The following KCNG3 variants were observed in gnomAD, a reference collection of about 807,000 sequenced individuals.
KCNG3 encodes the protein voltage-gated potassium channel regulatory subunit KCNG3.
A neutral mutation model predicts 29.0 loss-of-function variants in KCNG3; 15 were observed. That is an observed-to-expected ratio of 0.52 (90% confidence interval 0.35 to 0.80). The LOEUF is 0.80. KCNG3 is among the 30% of genes least tolerant of loss of function. The pLI, the probability that KCNG3 is intolerant of heterozygous loss-of-function variation, is 0.01. For missense variants in KCNG3, 512 were observed against 605.7 expected (o/e 0.85, Z 1.62); for synonymous variants, 322 against 248.9 (o/e 1.29, Z -2.76).
At chr2:42,393,033 T>C in the KCNG3 span, among the ~76,000 whole-genome samples, 1 of 152,178 alleles carries the variant, frequency 6.6e-6, no homozygotes, top group Non-Finnish European at 1.5e-5. Flanking sequence ...ATTGTTATTA[T>C]ATTAAGCCCA....
chr2:42,481,878 C>T (rs770335803), intron 1 of KCNG3, among the ~76,000 whole-genome samples: 7 of 152,200 alleles, frequency 4.6e-5, no homozygotes, highest in Non-Finnish European at 5.9e-5. Context: ...CTAATCATGG[C>T]GCACACTTAC....
chr2:42,477,192 A>T (rs1673448829), intron 1 of KCNG3, among the ~76,000 whole-genome samples: 1 of 143,126 alleles, frequency 7.0e-6, no homozygotes, highest in African/African-American at 2.6e-5. Context: ...ACTCTGTTTC[A>T]AAAAAAAAAA....
At chr2:42,402,207 C>G in the KCNG3 span, among the ~76,000 whole-genome samples, 1 of 152,214 alleles carries the variant, frequency 6.6e-6, no homozygotes, top group Non-Finnish European at 1.5e-5. Flanking sequence ...ACCCCTGCTT[C>G]TCAGACCTTC....
chr2:42,478,549 G>A (rs1471140019), intron 1 of KCNG3, among the ~76,000 whole-genome samples: 1 of 151,702 alleles, frequency 6.6e-6, no homozygotes, highest in Admixed American at 6.6e-5. Flanking sequence ...ACATTCTTAG[G>A]TAAAGCTTAA....
intron 1 of KCNG3, among the ~76,000 whole-genome samples, chr2:42,451,712 C>A (rs1018314866): frequency 1.3e-5 from 2 of 151,834 alleles, no homozygotes; most frequent in Non-Finnish European, 2.9e-5. Flanking sequence ...GGCGACAGAG[C>A]AAGACTTTGT....
the KCNG3 span, among the ~76,000 whole-genome samples, chr2:42,431,230 T>C: frequency 6.6e-5 from 10 of 152,174 alleles, no homozygotes; most frequent in African/African-American, 2.4e-4. Context: ...GGGATCCTGC[T>C]ATTCCTAAGA....
In KCNG3 at chr2:42,442,948, C is replaced by A. The variant is rs1043635548; in HGVS notation, c.*986G>T. ...GAGTACAGTAATATTTAATTTCTCC[C>A]TTTTATGATAATCCAGTGACAACAC... On this transcript the variant is annotated 3_prime_UTR_variant, in exon 2 of 2. Transcript: ENST00000306078. The A allele has an allele frequency of 3.9e-5, 6 of 152,138 alleles. No individual in the cohort carries two copies. Among genetic ancestry groups the A allele is most frequent in the Admixed American group, 6.6e-5 (1 of 15,252 alleles). 9.4% of individuals were successfully genotyped at this position (152,138 alleles called of 1,614,324 possible).
At chr2:42,420,923 T>C in the KCNG3 span, among the ~76,000 whole-genome samples, 2 of 152,218 alleles carry the variant, frequency 1.3e-5, no homozygotes, top group Admixed American at 6.5e-5. Context: ...ATTTCTTCAA[T>C]CTAAGTTCCA....
chr2:42,451,367 C>T (rs1011016205), intron 1 of KCNG3, among the ~76,000 whole-genome samples: 11 of 151,968 alleles, frequency 7.2e-5, no homozygotes, highest in Non-Finnish European at 1.5e-4. Context: ...TGCTTGAGCC[C>T]AGGAGTACAA....
intron 1 of KCNG3, among the ~76,000 whole-genome samples, chr2:42,487,792 A>G (rs979887645): frequency 4.6e-5 from 7 of 152,258 alleles, no homozygotes; most frequent in African/African-American, 1.7e-4. Context: ...CCTGCATAAA[A>G]GAAGTAAAAT....
chr2:42,474,442 C>G (rs528306527), intron 1 of KCNG3, among the ~76,000 whole-genome samples: 1 of 152,070 alleles, frequency 6.6e-6, no homozygotes, highest in Non-Finnish European at 1.5e-5. Context: ...GCACGAGAAT[C>G]GCTTGAACCC....
the KCNG3 span, among the ~76,000 whole-genome samples, chr2:42,401,963 G>A: frequency 6.6e-6 from 1 of 152,308 alleles, no homozygotes; most frequent in Non-Finnish European, 1.5e-5. Flanking sequence ...TGTCAACATG[G>A]CTGGGCTACG....
chr2:42,417,020 G>A, the KCNG3 span, among the ~76,000 whole-genome samples: 1 of 152,004 alleles, frequency 6.6e-6, no homozygotes, highest in African/African-American at 2.4e-5. Context: ...AGGCTGAGGT[G>A]GGTGGATCAC....
chr2:42,493,228 G>C lies in KCNG3; in HGVS notation c.274C>G (p.Leu92Val), dbSNP rs774256761. The C allele has an allele frequency of 1.1e-5, 17 of 1,611,616 alleles. No individual in the cohort carries two copies. The highest frequency in any genetic ancestry group is 1.2e-5 in the Non-Finnish European group (14 of 1,179,884). ...KLRFAPRMCE[L>V]SFYNEMIYWG... ...TAGATCATCTCGTTGTAGAAGGAGA[G>C]CTCGCACATCCGCGGCGCGAAGCGC... The change falls in exon 1 of 2, where the codon CTC becomes GTC. Residue 92 changes from leucine to valine, a missense_variant. By Grantham distance (32) the Leu-to-Val change is conservative. This residue lies in a region of KCNG3 where 228 missense variants were observed against 200.0 expected (regional missense o/e 1.14). Transcript: ENST00000306078.
intron 1 of KCNG3, among the ~76,000 whole-genome samples, chr2:42,485,758 C>A (rs547175412): frequency 2.0e-4 from 30 of 152,196 alleles, no homozygotes; most frequent in African/African-American, 6.5e-4. Flanking sequence ...AATGCTTAGT[C>A]ATTTTAAAAA....
At chr2:42,425,368 C>T in the KCNG3 span, among the ~76,000 whole-genome samples, 3 of 142,056 alleles carry the variant, frequency 2.1e-5, no homozygotes, top group Non-Finnish European at 3.0e-5. Context: ...CACTGCACTC[C>T]AGCCTGGGCG....
the KCNG3 span, among the ~76,000 whole-genome samples, chr2:42,397,682 G>A: frequency 1.3e-5 from 2 of 152,142 alleles, no homozygotes; most frequent in African/African-American, 4.8e-5. Context: ...AATGCTCTGT[G>A]GTTGCTTTGA....
chr2:42,394,235 T>G, the KCNG3 span, among the ~76,000 whole-genome samples: 3 of 152,228 alleles, frequency 2.0e-5, no homozygotes, highest in South Asian at 6.2e-4. Flanking sequence ...AGCTCTTTAT[T>G]CCAAGTGATA....
At chr2:42,452,243 A>ATATATATATTTT in intron 1 of KCNG3, among the ~76,000 whole-genome samples, 134 of 95,040 alleles carry the variant, frequency 1.4e-3, no homozygotes, top group Non-Finnish European at 2.0e-3. Context: ...ATATATATAT[A>ATATATATATTTT]TTTTTTTTTT....
Sources: gnomAD v4.1 joint callset for allele counts (sites outside exome capture counted in the v4.1 genomes callset) on GRCh38, gnomAD v4.1.1 for gene constraint, gnomAD v4.1.1 regional missense constraint, MANE v1.5 for transcripts, NCBI Gene and HGNC (gene_info 2026-07-23, HGNC 2026-07-21) for gene names.